SFXN4: variants seen among roughly 807,000 people sequenced by gnomAD.
SFXN4 encodes the protein sideroflexin-4.
Under a neutral mutation model 54.6 loss-of-function variants are expected in SFXN4, and 48 were observed. The observed-to-expected ratio is 0.88, with a 90% CI of 0.70 to 1.12. The LOEUF (loss-of-function observed/expected upper bound fraction) is 1.12. Among genes scored for constraint, SFXN4 ranks in the 50% most tolerant of loss-of-function variants. SFXN4 has a pLI of 0.00. For synonymous variants in SFXN4, 130 were observed against 145.5 expected (o/e 0.89, Z 0.77); for missense variants, 383 against 409.2 (o/e 0.94, Z 0.55).
chr10:119,143,411 T>A (rs571499980), intron 13 of SFXN4, among the ~76,000 whole-genome samples: 1 of 151,818 alleles, frequency 6.6e-6, no homozygotes, highest in Non-Finnish European at 1.5e-5. Context: ...TGTGACCCCA[T>A]TGTAGCCTTG....
At chr10:119,154,924 A>G in intron 11 of SFXN4, 138 bp downstream of exon 11, 3 of 623,890 alleles carry the variant, frequency 4.8e-6, no homozygotes, top group Non-Finnish European at 8.6e-6. Flanking sequence ...CAAAATGAGA[A>G]ATTTCTCTCT....
intron 3 of SFXN4, 71 bp downstream of exon 3, chr10:119,162,269 C>A: frequency 8.0e-7 from 1 of 1,243,924 alleles, no homozygotes; most frequent in Non-Finnish European, 1.2e-6. Context: ...GGCCAAATTC[C>A]ACCTGACTTC....
intron 11 of SFXN4, 115 bp from the exon 12 acceptor site, chr10:119,147,975 A>T: frequency 1.4e-6 from 1 of 722,290 alleles, no homozygotes. Flanking sequence ...GTTTGAGACC[A>T]GCCTGGCCAA....
chr10:119,161,232 C>A, intron 3 of SFXN4, 151 bp from the exon 4 acceptor site: 1 of 699,316 alleles, frequency 1.4e-6, no homozygotes, highest in Admixed American at 2.6e-5. Flanking sequence ...GATCCTCCCA[C>A]CTCACCCTCC....
rs747105422 is a variant in SFXN4, at chr10:119,159,735, G to A, written c.353C>T (p.Ala118Val). ...FRPAAFLPFM[A>V]PTVFLSMTPL... ...AAATGTCTGCTTGCTCACCGTGGGT[G>A]CCATGAAAGGCAGGAACGCTGGCAG... The change falls in exon 6 of 14, where the codon GCA (alanine) becomes GTA (valine). Residue 118 changes from alanine to valine, a missense_variant. Coordinates refer to ENST00000355697, the MANE Select transcript of SFXN4 (RefSeq NM_213649.2). The A allele has an allele frequency of 9.9e-6, 16 of 1,613,888 alleles. No individual in the cohort carries two copies. Among genetic ancestry groups the A allele is most frequent in the Middle Eastern group, 1.6e-4 (1 of 6,084 alleles).
intron 13 of SFXN4, 64 bp from the exon 14 acceptor site, chr10:119,141,383 A>T: frequency 9.8e-7 from 1 of 1,017,350 alleles, no homozygotes; most frequent in Non-Finnish European, 1.5e-6. Flanking sequence ...AAGCCAAGTT[A>T]AAAAAATCAT....
rs1846806794 is a variant in SFXN4, at chr10:119,146,450, T to TGTGTGTGCAC, written c.819-98_819-97insGTGCACACAC. 4 of 589,756 alleles carry TGTGTGTGCAC rather than the reference T, an allele frequency of 6.8e-6. No homozygotes were observed. In the African/African-American group the frequency reaches 7.3e-5, roughly 11 times the overall value. 36.5% of individuals were successfully genotyped at this position (589,756 alleles called of 1,614,324 possible). A position where few individuals can be genotyped will look rare whatever the true frequency, so the allele number is the denominator to read the frequency against. ...GGGCGTGTGTGTGTGTGTGTGTGTG[T>TGTGTGTGCAC]GTGTGTGTGTGCACGTGTGTGTGTA... On this transcript the variant is annotated intron_variant, in intron 12 of 13. Coordinates refer to ENST00000355697, the MANE Select transcript of SFXN4 (RefSeq NM_213649.2).
At chr10:119,149,551 A>G (rs1589630430) in intron 11 of SFXN4, among the ~76,000 whole-genome samples, 1 of 152,160 alleles carries the variant, frequency 6.6e-6, no homozygotes, top group Admixed American at 6.6e-5. Flanking sequence ...GGAGTTCAAG[A>G]CCAGCCTGGC....
At chr10:119,153,949 G>A (rs529119553) in intron 11 of SFXN4, among the ~76,000 whole-genome samples, 23 of 152,090 alleles carry the variant, frequency 1.5e-4, no homozygotes, top group Admixed American at 4.6e-4. Flanking sequence ...AGGCCGAGGC[G>A]GGCGGAACAC....
At position 119,147,795 on chromosome 10, in the gene SFXN4, GA is replaced by G; in HGVS notation, c.797del (p.Val266AlafsTer22). 1 of 1,614,014 alleles carries G rather than the reference GA, an allele frequency of 6.2e-7. No individual in the cohort carries two copies. The highest frequency in any genetic ancestry group is 1.1e-5 in the South Asian group (1 of 91,070). Reference protein sequence around the residue: ...LFGTSALIPEVFTYFFKRTQY... With the variant: ...LFGTSALIPEXFTYFFKRTQY... ...CTTACCTTTTAAAAAAGTAGGTGAA[GA>G]CTTCAGGAATCAGAGCTGAGGTCCC... On this transcript the variant is annotated frameshift_variant, in exon 12 of 14. Coordinates refer to ENST00000355697, the MANE Select transcript of SFXN4 (RefSeq NM_213649.2). LOFTEE classifies it high-confidence loss of function.
chr10:119,143,050 A>G (rs1233946904), intron 13 of SFXN4, among the ~76,000 whole-genome samples: 10 of 151,210 alleles, frequency 6.6e-5, no homozygotes. Flanking sequence ...ATATTTCCAA[A>G]GTCCAGCAAG....
rs1204219101 is a variant in SFXN4, at chr10:119,165,672, G to A, written c.-25C>T. On this transcript the variant is annotated 5_prime_UTR_variant, in exon 1 of 14. Transcript: ENST00000355697. ...TTTTGCGCTGGTTAGAGTGGCCGCC[G>A]CCGCCAGGCCGCGCGTGGAGGAGGA... 2.6e-6 allele frequency: 4 copies of A among 1,516,714 alleles called. No homozygotes were observed. The highest frequency in any genetic ancestry group is 2.6e-6 in the Non-Finnish European group (3 of 1,136,596). The allele number at this position is 1,516,714 out of a possible 1,614,324, so 94.0% of individuals were successfully genotyped here.
intron 3 of SFXN4, 52 bp from the exon 4 acceptor site, chr10:119,161,133 G>C: frequency 6.3e-7 from 1 of 1,593,120 alleles, no homozygotes; most frequent in Non-Finnish European, 8.6e-7. Flanking sequence ...TTTTTTAAGA[G>C]ACAAGGTCTT....
chr10:119,153,349 T>C (rs1847147733), intron 11 of SFXN4, among the ~76,000 whole-genome samples: 1 of 128,416 alleles, frequency 7.8e-6, no homozygotes, highest in African/African-American at 2.7e-5. Flanking sequence ...AGGTTGAGGC[T>C]GTAGAGCCGT....
chr10:119,159,270 ACT>A, intron 6 of SFXN4, among the ~76,000 whole-genome samples: 1 of 151,180 alleles, frequency 6.6e-6, no homozygotes, highest in Non-Finnish European at 1.5e-5. Flanking sequence ...ACAGAGCCAG[ACT>A]CTGTCTCGAA....
At chr10:119,146,496 C>T (rs1393975403) in intron 12 of SFXN4, 143 bp from the exon 13 acceptor site, 4 of 494,504 alleles carry the variant, frequency 8.1e-6, no homozygotes, top group Non-Finnish European at 1.4e-5. Context: ...TGGATCAGGG[C>T]CTGTTCTTTT....
In SFXN4 at chr10:119,142,065, G is replaced by T. The variant is rs372798647; in HGVS notation, c.937-746C>A. On this transcript the variant is annotated intron_variant, in intron 13 of 13. Transcript: ENST00000355697. ...AAAAATAAAAAATTAGCCAGGTGTGGTAGTACGTTCCTGTAGTCCCAGCTA... is the reference window on the plus strand; with the variant it reads ...AAAAATAAAAAATTAGCCAGGTGTGTTAGTACGTTCCTGTAGTCCCAGCTA... Among the ~76,000 whole-genome samples, 6 of 152,232 alleles carry T rather than the reference G, an allele frequency of 3.9e-5. No individual in the cohort carries two copies. In the East Asian group the frequency reaches 1.2e-3, roughly 29 times the overall value.
At chr10:119,165,292 G>A in intron 1 of SFXN4, 2 of 1,232,338 alleles carry the variant, frequency 1.6e-6, no homozygotes, top group Non-Finnish European at 2.0e-6. Context: ...GGGCCCCTCC[G>A]AGAGGGCAAT....
intron 11 of SFXN4, among the ~76,000 whole-genome samples, chr10:119,153,624 A>G (rs1847162278): frequency 6.6e-6 from 1 of 152,160 alleles, no homozygotes; most frequent in South Asian, 2.1e-4. Context: ...AGGGGTGTCC[A>G]CTGACCTCTG....
Sources: allele counts gnomAD v4.1 joint callset (sites outside exome capture counted in the v4.1 genomes callset), GRCh38; gene constraint gnomAD v4.1.1; transcripts MANE v1.5; gene names NCBI Gene and HGNC (gene_info 2026-07-23, HGNC 2026-07-21).